RCC1: variants seen among roughly 807,000 people sequenced by gnomAD.
RCC1 encodes the protein regulator of chromosome condensation.
RCC1 carries 11 observed loss-of-function variants against 44.4 expected under a neutral mutation model. The observed-to-expected ratio is 0.25, with a 90% CI of 0.16 to 0.41. The LOEUF is 0.41. Among genes scored for constraint, RCC1 ranks in the 10% least tolerant of loss-of-function variants. The pLI, the probability that RCC1 is intolerant of heterozygous loss-of-function variation, is 1.00. For synonymous variants in RCC1, 213 were observed against 216.5 expected, an observed-to-expected ratio of 0.98 and a Z score of 0.14; for missense variants, 386 against 547.1, an observed-to-expected ratio of 0.71 and a Z score of 2.94.
Position 28,516,754 on chromosome 1 carries a change from G to A in RCC1, c.-123G>A. On this transcript the variant is annotated 5_prime_UTR_variant, in exon 4 of 13. Transcript: ENST00000683442. ...ATGAATGTGTAAGATCTTGGAGGAA[G>A]ACAGCAGAGAGAGAGAGAGAGATCA... 1 of 446,980 alleles carries A rather than the reference G, an allele frequency of 2.2e-6. No homozygotes were observed. Among genetic ancestry groups the A allele is most frequent in the Non-Finnish European group, 4.5e-6 (1 of 223,656 alleles). The allele number at this position is 446,980 out of a possible 1,614,324, so 27.7% of individuals were successfully genotyped here.
At chr1:28,507,156 G>GGTACCTTCCACATA (rs1662021096) in intron 1 of RCC1, 1 of 290,444 alleles carries the variant, frequency 3.4e-6, no homozygotes, top group African/African-American at 2.2e-5. Context: ...TTGCTTCTGC[G>GGTACCTTCCACATA]GTACCTTCCA....
At chr1:28,535,169 A>C (rs765455765) in intron 8 of RCC1, 23 bp downstream of exon 8, 1 of 1,613,914 alleles carries the variant, frequency 6.2e-7, no homozygotes, top group Non-Finnish European at 8.5e-7. Flanking sequence ...GCACTTGCTC[A>C]GGGCAGGAGT....
intron 3 of RCC1, chr1:28,509,900 T>C (rs1467920850): frequency 1.3e-5 from 2 of 152,076 alleles, no homozygotes; most frequent in Non-Finnish European, 2.9e-5. Flanking sequence ...GGAGGAAAAA[T>C]CGATGGTAGC....
Position 28,536,128 on chromosome 1 carries a change from C to G in RCC1, c.817+102C>G. On this transcript the variant is annotated intron_variant, in intron 10 of 12. Transcript: ENST00000683442. This position sits in a 1 kb window ranked among gnomAD's most constrained non-coding sequence, Gnocchi z 4.9. ...CATCCTTTGCGGGGTCGTCTAACCC[C>G]TCCAAGCCAGTTTTGTCATCTGTAA... 6.5e-7 allele frequency: 1 copy of G among 1,541,864 alleles called. No homozygotes were observed. The highest frequency in any genetic ancestry group is 8.8e-7 in the Non-Finnish European group (1 of 1,141,948).
chr1:28,534,026 C>T (rs1238815455), intron 7 of RCC1, among the ~76,000 whole-genome samples: 14 of 150,378 alleles, frequency 9.3e-5, no homozygotes, highest in African/African-American at 2.4e-4. Context: ...TACAGGCATG[C>T]GCCACCACAC....
chr1:28,530,205 T>C (rs181908490), intron 5 of RCC1, among the ~76,000 whole-genome samples: 1 of 150,994 alleles, frequency 6.6e-6, no homozygotes, highest in Admixed American at 6.6e-5. Flanking sequence ...CCCCAGGCAG[T>C]GATGCATTAT....
chr1:28,508,363 T>C (rs1662201794), intron 2 of RCC1: 1 of 355,266 alleles, frequency 2.8e-6, no homozygotes, highest in African/African-American at 2.2e-5. Context: ...TGCTCTGTTC[T>C]GTAAAAATTG....
intron 2 of RCC1, chr1:28,508,501 G>A (rs1662216439): frequency 4.2e-6 from 2 of 476,326 alleles, no homozygotes; most frequent in Non-Finnish European, 8.4e-6. Flanking sequence ...TGAAAATACT[G>A]TGGGTGATTA....
At chr1:28,531,264 TC>T (rs1293217970) in intron 5 of RCC1, among the ~76,000 whole-genome samples, 2,203 of 145,456 alleles carry the variant, frequency 0.015, 100 homozygotes, top group African/African-American at 0.053. Flanking sequence ...CTTTTCTTTT[TC>T]TTTTTTTTTT....
chr1:28,513,106 T>G (rs533314757), intron 3 of RCC1, among the ~76,000 whole-genome samples: 2 of 150,398 alleles, frequency 1.3e-5, no homozygotes, highest in East Asian at 3.9e-4. Context: ...TCTCACTCTG[T>G]TGCCAAAGCC....
intron 5 of RCC1, among the ~76,000 whole-genome samples, chr1:28,530,778 C>A (rs575129332): frequency 8.5e-5 from 13 of 152,154 alleles, no homozygotes; most frequent in African/African-American, 2.9e-4. Flanking sequence ...CCCGCAAATG[C>A]CGCTGTCCGC....
At chr1:28,531,686 C>G (rs1664185270) in intron 5 of RCC1, 117 bp from the exon 6 acceptor site, 1 of 770,580 alleles carries the variant, frequency 1.3e-6, no homozygotes, top group Non-Finnish European at 1.9e-6. Flanking sequence ...AAAGTTCATA[C>G]TAACAGTCTG....
intron 3 of RCC1, among the ~76,000 whole-genome samples, chr1:28,514,025 C>T (rs1662716334): frequency 6.6e-6 from 1 of 151,726 alleles, no homozygotes; most frequent in Non-Finnish European, 1.5e-5. Context: ...AAAAATTAGC[C>T]AGGTGTGGTG....
intron 4 of RCC1, among the ~76,000 whole-genome samples, chr1:28,521,860 G>A (rs1663305571): frequency 1.3e-5 from 2 of 152,242 alleles, no homozygotes; most frequent in Admixed American, 1.3e-4. Context: ...CCCCTGCCTG[G>A]ACCAAGGTCT....
chr1:28,509,177 C>T (rs1662301361), intron 3 of RCC1: 1 of 305,454 alleles, frequency 3.3e-6, no homozygotes, highest in Admixed American at 4.7e-5. Flanking sequence ...TGGAATTTGG[C>T]ATTTAGCTAG....
At chr1:28,526,427 CAA>C (rs1432309942) in intron 4 of RCC1, 11 of 470,000 alleles carry the variant, frequency 2.3e-5, no homozygotes, top group Non-Finnish European at 4.1e-5. Flanking sequence ...TTAAATCTGA[CAA>C]GGGTGCGATG....
chr1:28,520,068 A>G (rs1198894564), intron 4 of RCC1, among the ~76,000 whole-genome samples: 2 of 152,196 alleles, frequency 1.3e-5, no homozygotes, highest in Admixed American at 6.6e-5. Context: ...AAATGAACAC[A>G]TAGGCCCAGG....
chr1:28,515,247 G>A (rs1440478855), intron 3 of RCC1, among the ~76,000 whole-genome samples: 1 of 151,850 alleles, frequency 6.6e-6, no homozygotes, highest in Non-Finnish European at 1.5e-5. Context: ...CTGAGATCAC[G>A]CCATTACACT....
intron 4 of RCC1, among the ~76,000 whole-genome samples, chr1:28,529,590 A>G (rs1175408833): frequency 6.6e-6 from 1 of 152,116 alleles, no homozygotes; most frequent in Admixed American, 6.6e-5. Context: ...CTGTTCTATC[A>G]TGAATATACC....
Sources: gnomAD v4.1 joint callset for allele counts (sites outside exome capture counted in the v4.1 genomes callset) on GRCh38, gnomAD v4.1.1 for gene constraint, Gnocchi (gnomAD v3.1) non-coding constraint, MANE v1.5 for transcripts, NCBI Gene and HGNC (gene_info 2026-07-23, HGNC 2026-07-21) for gene names.